The following FTCDNL1 variants were observed in gnomAD, a reference collection of about 807,000 sequenced individuals.
The protein encoded by FTCDNL1 is formiminotransferase cyclodeaminase N-terminal like, also known as formiminotransferase N-terminal subdomain-containing protein.
In FTCDNL1, 11 loss-of-function variants were observed where a neutral mutation model predicts 5.9. The ratio of observed to expected loss-of-function variants is 1.87; its 90% confidence interval spans 1.18 to 3.10. The LOEUF (loss-of-function observed/expected upper bound fraction) is 3.10, where lower values mean the gene tolerates loss of function less well. FTCDNL1 is among the 30% of genes most tolerant of loss of function. The probability of loss-of-function intolerance (pLI) is 0.00; values close to 1 mark genes in which losing one functional copy is unlikely to be tolerated. For missense variants in FTCDNL1, 115 were observed against 65.5 expected (o/e 1.76, Z -2.61); for synonymous variants, 58 against 24.8 (o/e 2.34, Z -3.99).
intron 1 of FTCDNL1, among the ~76,000 whole-genome samples, chr2:199,849,257 T>C (rs546221830): frequency 1.3e-5 from 2 of 152,354 alleles, no homozygotes; most frequent in East Asian, 3.9e-4. Flanking sequence ...TTAAAGTATG[T>C]TATCCCATTT....
At chr2:199,693,894 C>T in the FTCDNL1 span, among the ~76,000 whole-genome samples, 27 of 152,264 alleles carry the variant, frequency 1.8e-4, no homozygotes, top group Non-Finnish European at 3.5e-4. Context: ...TAATCCTAAT[C>T]GGCTTCATCT....
At chr2:199,805,380 G>T (rs1284704813), downstream of FTCDNL1, among the ~76,000 whole-genome samples, 1 of 152,138 alleles carries the variant, frequency 6.6e-6, no homozygotes, top group Admixed American at 6.5e-5. Flanking sequence ...CGGGAGGACT[G>T]CTTGAGCTCA....
the FTCDNL1 span, among the ~76,000 whole-genome samples, chr2:199,667,451 A>G: frequency 6.6e-6 from 1 of 151,562 alleles, no homozygotes; most frequent in African/African-American, 2.4e-5. Flanking sequence ...AGCCAGGGCA[A>G]CATAGTGAGA....
downstream of FTCDNL1, among the ~76,000 whole-genome samples, chr2:199,758,968 G>T (rs1574428370): frequency 6.6e-6 from 1 of 152,174 alleles, no homozygotes; most frequent in Non-Finnish European, 1.5e-5. Flanking sequence ...GAATGGGGTA[G>T]ATATGTGTGG....
the FTCDNL1 span, among the ~76,000 whole-genome samples, chr2:199,733,707 C>T: frequency 5.3e-5 from 8 of 152,032 alleles, no homozygotes; most frequent in Non-Finnish European, 8.8e-5. Flanking sequence ...AAGCACAGCA[C>T]CTCAAAATGT....
the FTCDNL1 span, among the ~76,000 whole-genome samples, chr2:199,673,409 G>T: frequency 3.3e-5 from 5 of 149,546 alleles, no homozygotes; most frequent in Non-Finnish European, 3.0e-5. Context: ...AATTAATCAT[G>T]AATAAGATTC....
intron 3 of FTCDNL1, among the ~76,000 whole-genome samples, chr2:199,778,659 C>A (rs968024519): frequency 6.6e-6 from 1 of 152,152 alleles, no homozygotes; most frequent in Non-Finnish European, 1.5e-5. Flanking sequence ...ACTTGACATA[C>A]CTCCATTAAA....
the FTCDNL1 span, among the ~76,000 whole-genome samples, chr2:199,689,531 T>G: frequency 0.023 from 3,479 of 152,228 alleles, 140 homozygotes; most frequent in African/African-American, 0.078. Flanking sequence ...TATTCTCCAT[T>G]GAACTACAGA....
intron 3 of FTCDNL1, among the ~76,000 whole-genome samples, chr2:199,802,922 T>C (rs947969116): frequency 4.0e-5 from 6 of 151,764 alleles, no homozygotes; most frequent in Non-Finnish European, 7.4e-5. Flanking sequence ...AATATGATAA[T>C]AGAGTAAAAG....
At chr2:199,677,598 A>G in the FTCDNL1 span, among the ~76,000 whole-genome samples, 6 of 152,216 alleles carry the variant, frequency 3.9e-5, no homozygotes, top group Admixed American at 1.3e-4. Context: ...AATTCTGACC[A>G]TGTTATGATA....
the FTCDNL1 span, among the ~76,000 whole-genome samples, chr2:199,720,328 T>C: frequency 1.5e-3 from 224 of 152,318 alleles, 3 homozygotes; most frequent in African/African-American, 5.3e-3. Context: ...TTGAGCAAGA[T>C]TGATAAAGAG....
chr2:199,795,557 G>A (rs183625766), intron 3 of FTCDNL1, among the ~76,000 whole-genome samples: 106 of 152,292 alleles, frequency 7.0e-4, no homozygotes, highest in South Asian at 1.4e-3. Flanking sequence ...AGCTCCCTAA[G>A]GGCAGGGACT....
chr2:199,677,910 GA>G, the FTCDNL1 span, among the ~76,000 whole-genome samples: 1 of 152,164 alleles, frequency 6.6e-6, no homozygotes, highest in African/African-American at 2.4e-5. Flanking sequence ...CAGTTCCATT[GA>G]GGAAAATTAT....
the FTCDNL1 span, among the ~76,000 whole-genome samples, chr2:199,749,949 AC>A: frequency 6.6e-6 from 1 of 151,378 alleles, no homozygotes; most frequent in African/African-American, 2.4e-5. Context: ...CACCCCATTT[AC>A]CCTGATGTGA....
At chr2:199,667,032 A>G in the FTCDNL1 span, among the ~76,000 whole-genome samples, 2 of 152,220 alleles carry the variant, frequency 1.3e-5, no homozygotes, top group African/African-American at 4.8e-5. Context: ...TACATTGGAA[A>G]GCACACTGGC....
In FTCDNL1 at chr2:199,784,208, G is replaced by A. The variant is rs541287468; in HGVS notation, c.212-23373C>T. 8.7e-4 allele frequency among the ~76,000 whole-genome samples: 132 copies of A among 152,078 alleles called. 1 individual carries two copies. Among genetic ancestry groups the A allele is most frequent in the African/African-American group, 3.2e-3 (132 of 41,452 alleles). On this transcript the variant is annotated intron_variant, in intron 3 of 3. Coordinates refer to the FTCDNL1 transcript ENST00000416668. Reference sequence around the variant, plus strand: ...TGGTGATTATCCCCAAACTTGTCTCGCTCCAATGTATTAAAGACTCCCAGC... The same window carrying A: ...TGGTGATTATCCCCAAACTTGTCTCACTCCAATGTATTAAAGACTCCCAGC...
At chr2:199,691,235 C>T in the FTCDNL1 span, among the ~76,000 whole-genome samples, 16 of 152,262 alleles carry the variant, frequency 1.1e-4, no homozygotes, top group South Asian at 8.3e-4. Flanking sequence ...TGCAATGGCA[C>T]GATCTTGGCT....
intron 3 of FTCDNL1, among the ~76,000 whole-genome samples, chr2:199,829,486 C>T (rs1393744612): frequency 1.3e-5 from 2 of 152,060 alleles, no homozygotes; most frequent in African/African-American, 4.8e-5. Context: ...AGATGTTTCT[C>T]AGTGCAATGA....
chr2:199,814,239 C>T (rs952382684), intron 4 of FTCDNL1, among the ~76,000 whole-genome samples: 2 of 152,136 alleles, frequency 1.3e-5, no homozygotes, highest in African/African-American at 4.8e-5. Flanking sequence ...AAAACTCAAA[C>T]ATAATTGCTA....
Sources: gnomAD v4.1 joint callset for allele counts (sites outside exome capture counted in the v4.1 genomes callset) on GRCh38, gnomAD v4.1.1 for gene constraint, MANE v1.5 for transcripts, NCBI Gene and HGNC (gene_info 2026-07-23, HGNC 2026-07-21) for gene names.